PLCL1: variants seen among roughly 807,000 people sequenced by gnomAD.
The protein encoded by PLCL1 is phospholipase C like 1 (inactive).
In PLCL1, 41 loss-of-function variants were observed where a neutral mutation model predicts 84.4. The ratio of observed to expected loss-of-function variants is 0.49; its 90% confidence interval spans 0.38 to 0.63. The LOEUF (loss-of-function observed/expected upper bound fraction) is 0.63, where lower values mean the gene tolerates loss of function less well. Ranked by LOEUF, PLCL1 falls within the 30% of genes least tolerant of loss-of-function variation. The probability of loss-of-function intolerance (pLI) is 0.00; values close to 1 mark genes in which losing one functional copy is unlikely to be tolerated. For synonymous variants in PLCL1, 490 were observed against 488.3 expected (o/e 1.00, Z -0.05); for missense variants, 1,206 against 1,367.8 (o/e 0.88, Z 1.87).
At chr2:198,025,490 C>A (rs979234905) in intron 1 of PLCL1, among the ~76,000 whole-genome samples, 1 of 151,908 alleles carries the variant, frequency 6.6e-6, no homozygotes, top group Non-Finnish European at 1.5e-5. Context: ...TTAGGTTGCA[C>A]ACTGATAGAC....
At position 197,821,037 on chromosome 2, in the gene PLCL1, G is replaced by C. The variant is rs567685557; in HGVS notation, c.240+15698G>C. 2.0e-5 allele frequency among the ~76,000 whole-genome samples: 3 copies of C among 152,238 alleles called. No homozygotes were observed. The South Asian group carries it at 6.2e-4, about 32-fold the overall frequency. ...AGTAGATGATTAAGGTAGATTATTT[G>C]TCTTGTCCCTGTAAGGATCACGGTG... is the stretch of plus-strand genomic sequence containing the variant. On this transcript the variant is annotated intron_variant, in intron 1 of 5. Transcript: ENST00000428675.
At chr2:198,092,055 C>T (rs1693057158) in intron 3 of PLCL1, among the ~76,000 whole-genome samples, 1 of 152,006 alleles carries the variant, frequency 6.6e-6, no homozygotes, top group South Asian at 2.1e-4. Context: ...ACCTGCATCT[C>T]CAGCCTCACC....
At position 198,088,924 on chromosome 2, in the gene PLCL1, T is replaced by C. The variant is rs1692951267; in HGVS notation, c.2782T>C (p.Leu928=). 6.2e-7 allele frequency: 1 copy of C among 1,613,184 alleles called. No individual in the cohort carries two copies. The highest frequency in any genetic ancestry group is 1.3e-5 in the African/African-American group (1 of 75,032). ...PPIASLKQCL[L]TLSSRLITSD... ...AATTGCCAGTCTGAAGCAGTGCCTGTTAACTCTGTCATCTCGGCTCATCAC... is the reference window on the plus strand; with the variant it reads ...AATTGCCAGTCTGAAGCAGTGCCTGCTAACTCTGTCATCTCGGCTCATCAC... The change falls in exon 3 of 6, where the codon TTA becomes CTA. Residue 928 remains leucine (L), a synonymous_variant. Coordinates refer to ENST00000428675, the MANE Select transcript of PLCL1 (RefSeq NM_006226.4).
intron 3 of PLCL1, among the ~76,000 whole-genome samples, chr2:198,095,658 A>G (rs531417876): frequency 6.6e-6 from 1 of 152,314 alleles, no homozygotes; most frequent in Non-Finnish European, 1.5e-5. Flanking sequence ...GGATGTGAAT[A>G]TGTTACTCAT....
At chr2:197,842,146 C>T (rs1409154376) in intron 1 of PLCL1, among the ~76,000 whole-genome samples, 2 of 152,100 alleles carry the variant, frequency 1.3e-5, no homozygotes, top group Non-Finnish European at 2.9e-5. Context: ...TTGCCTTTTT[C>T]TTTATCATTC....
At chr2:197,902,686 T>A (rs1238683121) in intron 1 of PLCL1, among the ~76,000 whole-genome samples, 1 of 152,166 alleles carries the variant, frequency 6.6e-6, no homozygotes, top group African/African-American at 2.4e-5. Context: ...ATGCCAGGCT[T>A]TTCCATGTGC....
At chr2:198,117,666 C>T (rs1693776262) in intron 5 of PLCL1, among the ~76,000 whole-genome samples, 1 of 151,832 alleles carries the variant, frequency 6.6e-6, no homozygotes, top group Non-Finnish European at 1.5e-5. Flanking sequence ...GGTTTGCTAT[C>T]AACCAAGAAA....
At position 197,973,948 on chromosome 2, in the gene PLCL1, C is replaced by T. The variant is rs575402794; in HGVS notation, c.241-109810C>T. The stretch of plus-strand genomic sequence containing the variant: ...GAGAATAGGGAATTAGTTATCTAGT[C>T]ATCCAACTGAGATGTGATGGTGACT... On this transcript the variant is annotated intron_variant, in intron 1 of 5. Coordinates refer to ENST00000428675, the MANE Select transcript of PLCL1 (RefSeq NM_006226.4). Among the ~76,000 whole-genome samples, 256 of 152,274 alleles carry T rather than the reference C, an allele frequency of 1.7e-3. 1 individual carries two copies. The highest frequency in any genetic ancestry group is 0.01 in the Middle Eastern group (3 of 294).
chr2:197,891,831 C>T (rs143306612), intron 1 of PLCL1, among the ~76,000 whole-genome samples: 1 of 152,250 alleles, frequency 6.6e-6, no homozygotes, highest in East Asian at 1.9e-4. Context: ...TGAAAATATA[C>T]ATTCCTACTT....
intron 1 of PLCL1, among the ~76,000 whole-genome samples, chr2:197,833,440 G>T (rs768655254): frequency 2.0e-5 from 3 of 152,188 alleles, no homozygotes; most frequent in Non-Finnish European, 4.4e-5. Flanking sequence ...CATCTTCTCT[G>T]CCCAGGATCT....
At chr2:198,045,979 T>C (rs562713536) in intron 1 of PLCL1, among the ~76,000 whole-genome samples, 2 of 152,282 alleles carry the variant, frequency 1.3e-5, no homozygotes, top group African/African-American at 4.8e-5. Flanking sequence ...AAACTGCTTG[T>C]TGAGTTTGAA....
At position 197,882,078 on chromosome 2, in the gene PLCL1, C is replaced by A. The variant is rs1321992049; in HGVS notation, c.240+76739C>A. Among the ~76,000 whole-genome samples the A allele has an allele frequency of 5.3e-5, 8 of 152,228 alleles. No homozygotes were observed. In the South Asian group the frequency reaches 1.5e-3, roughly 28 times the overall value. The stretch of plus-strand genomic sequence containing the variant: ...GTAAGAGATGAGGCACCTCACCCCC[C>A]ACCCCAAATTATAAATATTTAAAAC... On this transcript the variant is annotated intron_variant, in intron 1 of 5. Transcript: ENST00000428675.
chr2:197,870,958 C>T (rs967721657), intron 1 of PLCL1, among the ~76,000 whole-genome samples: 1 of 152,030 alleles, frequency 6.6e-6, no homozygotes, highest in Non-Finnish European at 1.5e-5. Context: ...TTCAGATGCT[C>T]ACCTCGGGAG....
chr2:198,146,402 G>A (rs561431090), intron 5 of PLCL1, among the ~76,000 whole-genome samples: 1 of 152,254 alleles, frequency 6.6e-6, no homozygotes, highest in South Asian at 2.1e-4. Flanking sequence ...TTCTTTCCTT[G>A]TTTTCTCCCA....
intron 1 of PLCL1, among the ~76,000 whole-genome samples, chr2:197,933,824 A>C (rs1000846204): frequency 3.3e-5 from 5 of 152,030 alleles, no homozygotes; most frequent in African/African-American, 7.2e-5. Flanking sequence ...ATAATTGTCT[A>C]TATATATATA....
intron 1 of PLCL1, among the ~76,000 whole-genome samples, chr2:197,946,042 G>C (rs535947904): frequency 2.0e-5 from 3 of 152,078 alleles, no homozygotes; most frequent in African/African-American, 4.8e-5. Flanking sequence ...TATGCTAAAT[G>C]CTGAGGTTAC....
intron 1 of PLCL1, among the ~76,000 whole-genome samples, chr2:197,941,283 A>T (rs1689153415): frequency 6.6e-6 from 1 of 151,752 alleles, no homozygotes; most frequent in Non-Finnish European, 1.5e-5. Flanking sequence ...TTTATCAATG[A>T]AGGGGAATAC....
intron 1 of PLCL1, among the ~76,000 whole-genome samples, chr2:197,918,936 GTCTCTCTCTCTC>G (rs71395692): frequency 2.4e-5 from 2 of 83,156 alleles, no homozygotes; most frequent in African/African-American, 7.0e-5. Flanking sequence ...CGGAGACCCT[GTCTCTCTCTCTC>G]TCTCTCTCTC....
chr2:197,978,578 A>T (rs919930869), intron 1 of PLCL1, among the ~76,000 whole-genome samples: 1 of 152,278 alleles, frequency 6.6e-6, no homozygotes, highest in Non-Finnish European at 1.5e-5. Context: ...AAGACAAAAC[A>T]CTTCTAACAT....
Sources: allele counts gnomAD v4.1 joint callset (sites outside exome capture counted in the v4.1 genomes callset), GRCh38; gene constraint gnomAD v4.1.1; transcripts MANE v1.5; gene names NCBI Gene and HGNC (gene_info 2026-07-23, HGNC 2026-07-21).